ALLC: variants seen among roughly 807,000 people sequenced by gnomAD.
The protein encoded by ALLC is probable inactive allantoicase.
In ALLC, 40 loss-of-function variants were observed where a neutral mutation model predicts 45.0. The ratio of observed to expected loss-of-function variants is 0.89; its 90% CI spans 0.69 to 1.16. ALLC has a LOEUF of 1.16. Ranked by LOEUF, ALLC falls within the 50% of genes most tolerant of loss-of-function variation. The probability of loss-of-function intolerance (pLI) is 0.00; values close to 1 mark genes in which losing one functional copy is unlikely to be tolerated. For missense variants in ALLC, 488 were observed against 493.1 expected (o/e 0.99, Z 0.10); for synonymous variants, 176 against 178.1 (o/e 0.99, Z 0.09).
intron 2 of ALLC, among the ~76,000 whole-genome samples, chr2:3,672,375 A>G (rs112921762): frequency 0.098 from 7,137 of 73,074 alleles, 712 homozygotes; most frequent in African/African-American, 0.22. Context: ...CTCTGGCTCT[A>G]TTTAGATCCG....
At chr2:3,653,300 G>A (rs1666378582), upstream of ALLC, among the ~76,000 whole-genome samples, 3 of 152,230 alleles carry the variant, frequency 2.0e-5, no homozygotes, top group Admixed American at 6.5e-5. This position sits in a 1 kb window ranked among gnomAD's most constrained non-coding sequence, Gnocchi z 4.1. Context: ...GCACAGGGGT[G>A]TGAGGGACTG....
At chr2:3,688,602 G>A in intron 7 of ALLC, 1 of 204,778 alleles carries the variant, frequency 4.9e-6, no homozygotes, top group Non-Finnish European at 1.0e-5. Context: ...TAAACATAAG[G>A]GGCATCAGCA....
Position 3,702,549 on chromosome 2 carries a change from A to C in ALLC, c.1162A>C (p.Lys388Gln). 1 of 1,592,330 alleles carries C rather than the reference A, an allele frequency of 6.3e-7. No homozygotes were observed. The highest frequency in any genetic ancestry group is 8.5e-7 in the Non-Finnish European group (1 of 1,170,584). ...CATGTTGAAGTTCTCGGTGAGCTTC[A>C]AAGCAAACCCTTAACACACACAAAG... ...KPMLKFSVSFKANP is the reference protein window; with the variant it reads ...KPMLKFSVSFQANP Residue 388 changes from lysine to glutamine, a missense_variant, in exon 12 of 12, where the codon AAA (lysine) becomes CAA (glutamine). By Grantham distance (53) the Lys-to-Gln change is moderately conservative (BLOSUM62 1). Transcript: ENST00000252505.
At chr2:3,657,928 T>C (rs775474965), upstream of ALLC, among the ~76,000 whole-genome samples, 2 of 152,186 alleles carry the variant, frequency 1.3e-5, no homozygotes, top group Non-Finnish European at 2.9e-5. Context: ...AGATAAAACT[T>C]TAAGTCAGGT....
At chr2:3,668,463 C>G (rs1213632733) in intron 1 of ALLC, among the ~76,000 whole-genome samples, 1 of 151,132 alleles carries the variant, frequency 6.6e-6, no homozygotes, top group Admixed American at 6.6e-5. Flanking sequence ...CAGGCAGGGA[C>G]ACATGTGTTG....
intron 1 of ALLC, among the ~76,000 whole-genome samples, chr2:3,659,779 A>G (rs1023570448): frequency 4.6e-5 from 7 of 152,204 alleles, no homozygotes; most frequent in Non-Finnish European, 1.0e-4. Context: ...GCTGCCTGGA[A>G]TCTCTCGGGA....
rs770561626 is a variant in ALLC at position 3,681,710 on chromosome 2, T to C, written c.375T>C (p.Ala125=). ...CTCCTGAGGAGTTTGAAGCCATTGC[T>C]GAGGTACATCTCCCCCAAATGAATT... ...AATPEEFEAI[A]ELKSDDWSYL... is the part of the protein sequence containing the mutation. Residue 125 remains alanine (A), a synonymous_variant, in exon 6 of 12, where the codon GCT becomes GCC. Transcript: ENST00000252505. The C allele has an allele frequency of 6.2e-7, 1 of 1,607,578 alleles. No homozygotes were observed. The highest frequency in any genetic ancestry group is 8.5e-7 in the Non-Finnish European group (1 of 1,176,524).
chr2:3,664,022 A>G (rs759513347), intron 1 of ALLC, among the ~76,000 whole-genome samples: 1 of 152,232 alleles, frequency 6.6e-6, no homozygotes, highest in African/African-American at 2.4e-5. Flanking sequence ...ACGTCAGTGC[A>G]ACCATGGAAC....
chr2:3,683,220 C>T, intron 7 of ALLC, 146 bp downstream of exon 7: 3 of 964,404 alleles, frequency 3.1e-6, no homozygotes, highest in Non-Finnish European at 3.0e-6. Flanking sequence ...TTTTTATGCT[C>T]TAGAAAATTC....
chr2:3,679,769 C>A, intron 4 of ALLC, 100 bp from the exon 5 acceptor site: 2 of 1,518,356 alleles, frequency 1.3e-6, no homozygotes, highest in Non-Finnish European at 1.8e-6. Flanking sequence ...GACGGAATGG[C>A]CCCTGCTGTG....
chr2:3,656,625 T>G (rs997671069), upstream of ALLC, among the ~76,000 whole-genome samples: 4 of 152,236 alleles, frequency 2.6e-5, no homozygotes, highest in Non-Finnish European at 5.9e-5. Context: ...GTGCTCAACC[T>G]CTGGCCATGG....
intron 7 of ALLC, among the ~76,000 whole-genome samples, chr2:3,684,066 A>T (rs1281533958): frequency 6.6e-6 from 1 of 152,142 alleles, no homozygotes; most frequent in Non-Finnish European, 1.5e-5. Flanking sequence ...TGTGTACAAG[A>T]TTTTGTGTGG....
chr2:3,651,442 T>TGTGTGTGTGTGAG, the ALLC span, among the ~76,000 whole-genome samples: 2 of 25,602 alleles, frequency 7.8e-5, 1 homozygote, highest in Non-Finnish European at 2.0e-4. Context: ...TGTGTGTGTG[T>TGTGTGTGTGTGAG]TAGGAAGGGA....
intron 8 of ALLC, 94 bp downstream of exon 8, chr2:3,695,966 A>C: frequency 7.7e-7 from 1 of 1,305,954 alleles, no homozygotes. Context: ...AAGGAAAGGC[A>C]CATCTCAAAG....
chr2:3,666,536 G>A (rs570727731), intron 1 of ALLC, among the ~76,000 whole-genome samples: 13 of 152,318 alleles, frequency 8.5e-5, no homozygotes, highest in African/African-American at 1.9e-4. Context: ...TACACCCTTC[G>A]ACCCACAGCC....
At position 3,681,740 on chromosome 2, in the gene ALLC, C is replaced by T. The variant is rs373379092; in HGVS notation, c.378+27C>T. The stretch of plus-strand genomic sequence containing the variant: ...TACATCTCCCCCAAATGAATTGGGT[C>T]TTGTCACCAATTATTAGGAGAGTAG... On this transcript the variant is annotated intron_variant, in intron 6 of 11. Transcript: ENST00000252505. 1,535 of 1,555,772 alleles carry T rather than the reference C, an allele frequency of 9.9e-4. 2 individuals carry two copies. The highest frequency in any genetic ancestry group is 1.3e-3 in the Non-Finnish European group (1,500 of 1,135,542).
chr2:3,656,296 G>A (rs1346891337), upstream of ALLC, among the ~76,000 whole-genome samples: 1 of 152,198 alleles, frequency 6.6e-6, no homozygotes, highest in African/African-American at 2.4e-5. Context: ...AAGCCCCTAC[G>A]GAGCTCCGAG....
intron 1 of ALLC, among the ~76,000 whole-genome samples, chr2:3,660,927 G>A (rs1020083297): frequency 2.2e-5 from 3 of 134,936 alleles, no homozygotes; most frequent in Non-Finnish European, 1.6e-5. Context: ...GCTTTATGAG[G>A]AAGTTAAGTT....
In ALLC at chr2:3,681,679, C is replaced by T. The variant is rs1006898798; in HGVS notation, c.344C>T (p.Ala115Val). The change falls in exon 6 of 12, where the codon GCA (alanine) becomes GTA (valine). Residue 115 changes from alanine to valine, a missense_variant. Transcript: ENST00000252505. ...IPERGTRTGA[A>V]ATPEEFEAIA... ...GAAAGAGGAACCAGGACAGGAGCTG[C>T]AGCCACTCCTGAGGAGTTTGAAGCC... 6 of 1,611,050 alleles carry T rather than the reference C, an allele frequency of 3.7e-6. No individual in the cohort carries two copies. Among genetic ancestry groups the T allele is most frequent in the Non-Finnish European group, 4.2e-6 (5 of 1,178,638 alleles).
Sources: gnomAD v4.1 joint callset for allele counts (sites outside exome capture counted in the v4.1 genomes callset) on GRCh38, gnomAD v4.1.1 for gene constraint, Gnocchi (gnomAD v3.1) non-coding constraint, MANE v1.5 for transcripts, NCBI Gene and HGNC (gene_info 2026-07-23, HGNC 2026-07-21) for gene names.